Variants in CDH4 observed in about 807,000 individuals in gnomAD.
CDH4 encodes the protein cadherin 4.
A neutral mutation model predicts 86.0 loss-of-function variants in CDH4; 33 were observed. That is an observed-to-expected ratio of 0.38 (90% CI 0.29 to 0.51). The LOEUF (loss-of-function observed/expected upper bound fraction) is 0.51, where lower values mean the gene tolerates loss of function less well. CDH4 is among the 20% of genes least tolerant of loss of function. CDH4 has a pLI of 0.86. For synonymous variants in CDH4, 555 were observed against 549.4 expected, an observed-to-expected ratio of 1.01 and a Z score of -0.14; for missense variants, 1,114 against 1,307.4, an observed-to-expected ratio of 0.85 and a Z score of 2.28.
chr20:61,565,204 C>CCTCTTGGTGGTGGTG lies in CDH4; in HGVS notation c.170-178359_170-178358insCTCTTGGTGGTGGTG, dbSNP rs1568688378. Among the ~76,000 whole-genome samples, 20 of 50,300 alleles carry CCTCTTGGTGGTGGTG rather than the reference C, an allele frequency of 4.0e-4. 3 individuals carry two copies. Among genetic ancestry groups the CCTCTTGGTGGTGGTG allele is most frequent in the Admixed American group, 1.3e-3 (7 of 5,494 alleles). 33.0% of individuals were successfully genotyped at this position (50,300 alleles called of 152,430 possible). ...TGGTGGTGGTCCTCTTGGTGGTGGT[C>CCTCTTGGTGGTGGTG]GCGGTGCTCTCGGTGGTAGGTGGTG... On this transcript the variant is annotated intron_variant, in intron 2 of 15. Transcript: ENST00000614565.
chr20:61,711,177 T>G (rs1600900057), intron 2 of CDH4, among the ~76,000 whole-genome samples: 1 of 152,182 alleles, frequency 6.6e-6, no homozygotes, highest in African/African-American at 2.4e-5. Context: ...CCTGCTGGTT[T>G]TATAAGGGGT....
In CDH4 at chr20:61,879,394, C is replaced by T. The variant is rs1425217883; in HGVS notation, c.1050+5494C>T. 6.6e-6 allele frequency among the ~76,000 whole-genome samples: 1 copy of T among 152,206 alleles called. No homozygotes were observed. Among genetic ancestry groups the T allele is most frequent in the African/African-American group, 2.4e-5 (1 of 41,458 alleles). ...TTCCTCCCCCTTTAAAAAGATTCAT[C>T]TCCCCTGCCCTTGGGCAACAAGCAG... On this transcript the variant is annotated intron_variant, in intron 7 of 15. Transcript: ENST00000614565. The surrounding 1 kb of genome is among the most constrained non-coding windows in gnomAD (Gnocchi z 4.1).
At chr20:61,679,661 G>A (rs1367457784) in intron 2 of CDH4, among the ~76,000 whole-genome samples, 2 of 152,204 alleles carry the variant, frequency 1.3e-5, no homozygotes, top group Non-Finnish European at 2.9e-5. Flanking sequence ...GGGGAGCAGG[G>A]GCCTCCCCAT....
chr20:61,361,245 T>C (rs898282928), intron 2 of CDH4, among the ~76,000 whole-genome samples: 2 of 151,970 alleles, frequency 1.3e-5, no homozygotes, highest in Non-Finnish European at 2.9e-5. Context: ...TGCTAGGGTT[T>C]CTGGGATGGG....
At chr20:61,424,403 A>G (rs2085199737) in intron 2 of CDH4, among the ~76,000 whole-genome samples, 1 of 152,000 alleles carries the variant, frequency 6.6e-6, no homozygotes, top group Non-Finnish European at 1.5e-5. Context: ...CACACACAGC[A>G]CACATGTATC....
chr20:61,311,768 G>A (rs1413077153), intron 2 of CDH4, among the ~76,000 whole-genome samples: 3 of 152,222 alleles, frequency 2.0e-5, no homozygotes, highest in Non-Finnish European at 2.9e-5. Context: ...ATGGTTTTGC[G>A]GTTTTACTCA....
intron 2 of CDH4, among the ~76,000 whole-genome samples, chr20:61,431,534 A>G (rs1319660633): frequency 2.0e-5 from 3 of 151,324 alleles, no homozygotes; most frequent in East Asian, 1.9e-4. Context: ...TAATTTTTGT[A>G]TTTTTTGTAG....
chr20:61,441,843 A>G (rs994616173), intron 2 of CDH4, among the ~76,000 whole-genome samples: 7 of 152,192 alleles, frequency 4.6e-5, no homozygotes, highest in Non-Finnish European at 1.0e-4. Context: ...AGACTACGAC[A>G]GGACCCTAAC....
At chr20:61,542,149 T>C (rs1200812202) in intron 2 of CDH4, among the ~76,000 whole-genome samples, 2 of 152,150 alleles carry the variant, frequency 1.3e-5, no homozygotes, top group Non-Finnish European at 2.9e-5. Flanking sequence ...AATCAACTCA[T>C]ACTGGGTTAA....
At chr20:61,434,380 C>A (rs1293241275) in intron 2 of CDH4, among the ~76,000 whole-genome samples, 1 of 152,162 alleles carries the variant, frequency 6.6e-6, no homozygotes, top group East Asian at 1.9e-4. Flanking sequence ...ACTCTAAGCC[C>A]CGAGTTAAAG....
chr20:61,894,010 C>A (rs767458981), intron 7 of CDH4, among the ~76,000 whole-genome samples: 1 of 152,156 alleles, frequency 6.6e-6, no homozygotes, highest in South Asian at 2.1e-4. Context: ...TAGAGAAGCA[C>A]GACTCAGGAT....
chr20:61,835,054 TA>T (rs1396875649), intron 4 of CDH4, among the ~76,000 whole-genome samples: 1 of 152,142 alleles, frequency 6.6e-6, no homozygotes, highest in African/African-American at 2.4e-5. Flanking sequence ...GGCAACAAAA[TA>T]AGAATACAGA....
chr20:61,665,730 C>T (rs1215033241), intron 2 of CDH4, among the ~76,000 whole-genome samples: 1 of 152,202 alleles, frequency 6.6e-6, no homozygotes, highest in Non-Finnish European at 1.5e-5. Context: ...TCTTACAATA[C>T]ACGGGGGTCA....
intron 3 of CDH4, among the ~76,000 whole-genome samples, chr20:61,758,118 C>T (rs957833054): frequency 6.6e-6 from 1 of 152,192 alleles, no homozygotes; most frequent in Non-Finnish European, 1.5e-5. Context: ...GCTGTGCAGG[C>T]ACATTCAGAG....
In CDH4 at chr20:61,940,378, A is replaced by T. The variant is rs1183897148; in HGVS notation, c.*3435A>T. The T allele has an allele frequency of 6.6e-6, 1 of 151,892 alleles. No individual in the cohort carries two copies. The highest frequency in any genetic ancestry group is 2.4e-5 in the African/African-American group (1 of 41,348). 9.4% of individuals were successfully genotyped at this position (151,892 alleles called of 1,614,324 possible). ...CACACCTGCAAATCTGAGCATCGCG[A>T]GGTTAAACGTTCCACCTTTTTTTGT... On this transcript the variant is annotated 3_prime_UTR_variant, in exon 16 of 16. Transcript: ENST00000614565.
intron 2 of CDH4, among the ~76,000 whole-genome samples, chr20:61,556,249 AG>A (rs2086176591): frequency 6.7e-6 from 1 of 148,592 alleles, no homozygotes; most frequent in Non-Finnish European, 1.5e-5. Flanking sequence ...GGGCAAATGC[AG>A]GCTTTGTCCT....
chr20:61,615,392 G>A (rs570273414), intron 2 of CDH4, among the ~76,000 whole-genome samples: 1 of 152,182 alleles, frequency 6.6e-6, no homozygotes, highest in Non-Finnish European at 1.5e-5. Flanking sequence ...AAAGTGCTGG[G>A]ATGACAGGCA....
chr20:61,782,922 A>G (rs899507229), intron 4 of CDH4, among the ~76,000 whole-genome samples: 4 of 152,182 alleles, frequency 2.6e-5, no homozygotes, highest in African/African-American at 9.7e-5. Flanking sequence ...CATCTCTACT[A>G]AAAATACAAA....
At chr20:61,366,350 A>G (rs2084810676) in intron 2 of CDH4, among the ~76,000 whole-genome samples, 1 of 152,216 alleles carries the variant, frequency 6.6e-6, no homozygotes, top group Non-Finnish European at 1.5e-5. Context: ...CCCAAGAAAC[A>G]TAAGGCGGGA....
Sources: gnomAD v4.1 joint callset for allele counts (sites outside exome capture counted in the v4.1 genomes callset) on GRCh38, gnomAD v4.1.1 for gene constraint, Gnocchi (gnomAD v3.1) non-coding constraint, MANE v1.5 for transcripts, NCBI Gene and HGNC (gene_info 2026-07-23, HGNC 2026-07-21) for gene names.